Variants in PEX5L observed in about 807,000 individuals in gnomAD.
The protein encoded by PEX5L is PEX5-related protein.
PEX5L carries 30 observed loss-of-function variants against 84.0 expected under a neutral mutation model. The observed-to-expected ratio is 0.36, with a 90% CI of 0.27 to 0.48. The LOEUF is 0.48. PEX5L is among the 20% of genes least tolerant of loss of function. PEX5L has a pLI of 0.99. For missense variants in PEX5L, 533 were observed against 754.6 expected (o/e 0.71, Z 3.44); for synonymous variants, 270 against 283.1 (o/e 0.95, Z 0.46).
At chr3:179,963,419 A>C (rs538411669) in intron 2 of PEX5L, among the ~76,000 whole-genome samples, 1 of 152,186 alleles carries the variant, frequency 6.6e-6, no homozygotes, top group South Asian at 2.1e-4. Flanking sequence ...AAGGAACATA[A>C]GGCCAGCGTC....
chr3:179,918,099 G>A (rs2109343080), intron 2 of PEX5L, among the ~76,000 whole-genome samples: 1 of 152,300 alleles, frequency 6.6e-6, no homozygotes, highest in Middle Eastern at 3.4e-3. Flanking sequence ...GTTAGAGTGG[G>A]GACAAAGTCC....
chr3:179,932,849 A>G (rs1484121105), intron 2 of PEX5L, among the ~76,000 whole-genome samples: 1 of 152,188 alleles, frequency 6.6e-6, no homozygotes, highest in East Asian at 1.9e-4. Context: ...TACCTCATAT[A>G]TTAGCAATTT....
chr3:179,993,137 C>T (rs1787544069), intron 1 of PEX5L, among the ~76,000 whole-genome samples: 1 of 152,096 alleles, frequency 6.6e-6, no homozygotes, highest in Admixed American at 6.5e-5. Context: ...CAAGAGTTCA[C>T]TGTTCACATT....
chr3:179,802,947 G>C (rs1459765791), intron 14 of PEX5L, among the ~76,000 whole-genome samples: 2 of 151,998 alleles, frequency 1.3e-5, no homozygotes, highest in Non-Finnish European at 2.9e-5. Flanking sequence ...AGGTGCAGTT[G>C]AATCAATCTA....
At chr3:179,874,812 T>C (rs533352706) in intron 6 of PEX5L, among the ~76,000 whole-genome samples, 3 of 145,804 alleles carry the variant, frequency 2.1e-5, no homozygotes, top group Non-Finnish European at 4.5e-5. Context: ...ATTTTATCTT[T>C]ATATAGAATT....
intron 1 of PEX5L, among the ~76,000 whole-genome samples, chr3:179,977,380 G>C (rs983118331): frequency 2.0e-5 from 3 of 152,126 alleles, no homozygotes; most frequent in African/African-American, 7.2e-5. Flanking sequence ...CAGTAAGCCT[G>C]GTAAATGGTG....
At chr3:179,849,802 T>C (rs1016513386) in intron 8 of PEX5L, among the ~76,000 whole-genome samples, 2 of 152,230 alleles carry the variant, frequency 1.3e-5, no homozygotes, top group Non-Finnish European at 2.9e-5. Flanking sequence ...TAGTATGGAT[T>C]GATGAGATCA....
In PEX5L at chr3:179,840,088, G is replaced by T. The variant is rs899812703; in HGVS notation, c.822+18974C>A. Reference sequence around the variant, plus strand: ...GGGAATGACAGCAGGGGCCAGATCAGGTCCCATGGGCCATAAGTAAGAATT... The same window carrying T: ...GGGAATGACAGCAGGGGCCAGATCATGTCCCATGGGCCATAAGTAAGAATT... On this transcript the variant is annotated intron_variant, in intron 8 of 14. Transcript: ENST00000467460. Among the ~76,000 whole-genome samples the T allele has an allele frequency of 4.6e-5, 7 of 151,648 alleles. No homozygotes were observed. In the South Asian group the frequency reaches 1.2e-3, roughly 27 times the overall value.
intron 8 of PEX5L, among the ~76,000 whole-genome samples, chr3:179,838,707 C>T (rs1735927741): frequency 6.6e-6 from 1 of 152,050 alleles, no homozygotes; most frequent in Admixed American, 6.6e-5. Flanking sequence ...ACAGTACAAG[C>T]TTGACAAATA....
chr3:179,993,861 C>T (rs1787614413), intron 1 of PEX5L, among the ~76,000 whole-genome samples: 1 of 152,144 alleles, frequency 6.6e-6, no homozygotes, highest in South Asian at 2.1e-4. Flanking sequence ...TCACTATTCC[C>T]TAAATAATAC....
intron 2 of PEX5L, among the ~76,000 whole-genome samples, chr3:179,908,651 A>G (rs1764098956): frequency 7.8e-6 from 1 of 128,842 alleles, no homozygotes; most frequent in African/African-American, 3.0e-5. Flanking sequence ...CCAGTGTGTG[A>G]TATTCCCCTT....
chr3:179,842,428 T>C (rs1470402170), intron 8 of PEX5L, among the ~76,000 whole-genome samples: 3 of 152,154 alleles, frequency 2.0e-5, no homozygotes, highest in African/African-American at 7.2e-5. Flanking sequence ...GGAAACTATT[T>C]AATAAAAATT....
At chr3:179,888,053 T>C (rs528278445) in intron 3 of PEX5L, 2 of 936,824 alleles carry the variant, frequency 2.1e-6, no homozygotes, top group Non-Finnish European at 3.1e-6. Context: ...GATTATTCTC[T>C]AATTTCAATA....
chr3:179,874,448 T>G (rs1751455615), intron 6 of PEX5L, 25 bp from the exon 7 acceptor site: 1 of 1,249,184 alleles, frequency 8.0e-7, no homozygotes, highest in Non-Finnish European at 1.2e-6. Context: ...TTAAGGAAAT[T>G]AAACGTACAC....
At chr3:179,932,834 T>C (rs554933322) in intron 2 of PEX5L, among the ~76,000 whole-genome samples, 1 of 152,220 alleles carries the variant, frequency 6.6e-6, no homozygotes, top group Non-Finnish European at 1.5e-5. Context: ...AGTTAACATA[T>C]GCATTACCTC....
chr3:179,979,667 C>A (rs915413129), intron 1 of PEX5L, among the ~76,000 whole-genome samples: 1 of 152,220 alleles, frequency 6.6e-6, no homozygotes, highest in African/African-American at 2.4e-5. Flanking sequence ...TAATCTCTCC[C>A]ATCCCCAACA....
chr3:180,035,217 A>G (rs2031045), intron 1 of PEX5L, among the ~76,000 whole-genome samples: 18,650 of 152,170 alleles, frequency 0.12, 1,248 homozygotes, highest in African/African-American at 0.17. Context: ...TTGGGTGAAG[A>G]TGAAGCATAA....
chr3:180,003,804 G>A (rs911595221), intron 1 of PEX5L, among the ~76,000 whole-genome samples: 1 of 152,020 alleles, frequency 6.6e-6, no homozygotes, highest in African/African-American at 2.4e-5. Flanking sequence ...TGGCTACTAA[G>A]GTGATATTAA....
At chr3:179,977,337 G>C (rs1282551294) in intron 1 of PEX5L, among the ~76,000 whole-genome samples, 1 of 152,146 alleles carries the variant, frequency 6.6e-6, no homozygotes, top group African/African-American at 2.4e-5. Context: ...CGCTCGTAGA[G>C]ATACATGTTG....
Sources: allele counts gnomAD v4.1 joint callset (sites outside exome capture counted in the v4.1 genomes callset), GRCh38; gene constraint gnomAD v4.1.1; transcripts MANE v1.5; gene names NCBI Gene and HGNC (gene_info 2026-07-23, HGNC 2026-07-21).